Variants in DGKB observed in about 807,000 individuals in gnomAD.
DGKB encodes 90 kDa diacylglycerol kinase.
DGKB carries 67 observed loss-of-function variants against 114.3 expected under a neutral mutation model. The ratio of observed to expected loss-of-function variants is 0.59; its 90% CI spans 0.48 to 0.72. The LOEUF is 0.72. Among genes scored for constraint, DGKB ranks in the 30% least tolerant of loss-of-function variants. The pLI is 0.00. For synonymous variants in DGKB, 398 were observed against 323.1 expected, an observed-to-expected ratio of 1.23 and a Z score of -2.49; for missense variants, 907 against 975.2, an observed-to-expected ratio of 0.93 and a Z score of 0.93.
At chr7:14,290,383 T>TGA (rs943888027) in intron 23 of DGKB, among the ~76,000 whole-genome samples, 151 of 152,148 alleles carry the variant, frequency 9.9e-4, no homozygotes, top group African/African-American at 2.7e-3. Context: ...CTATAAATTA[T>TGA]GAGAGAGAGA....
chr7:14,681,447 G>A (rs953378976), intron 12 of DGKB, among the ~76,000 whole-genome samples: 1 of 151,784 alleles, frequency 6.6e-6, no homozygotes, highest in African/African-American at 2.4e-5. Flanking sequence ...GTGTGTGTAT[G>A]TGTGTGTGTG....
intron 9 of DGKB, among the ~76,000 whole-genome samples, chr7:14,692,795 T>C (rs1368025023): frequency 6.6e-6 from 1 of 151,920 alleles, no homozygotes; most frequent in Non-Finnish European, 1.5e-5. Context: ...TTGGATCCCA[T>C]GGGCCTCATG....
chr7:14,876,681 T>C (rs1179557775), intron 1 of DGKB, among the ~76,000 whole-genome samples: 1 of 152,204 alleles, frequency 6.6e-6, no homozygotes, highest in Non-Finnish European at 1.5e-5. Flanking sequence ...TTTCCTGGAC[T>C]CGTTAGCTGT....
At chr7:14,161,801 A>G (rs1562501501) in intron 25 of DGKB, among the ~76,000 whole-genome samples, 5 of 152,128 alleles carry the variant, frequency 3.3e-5, no homozygotes, top group Admixed American at 3.3e-4. Context: ...TGGATCCTGG[A>G]ACTTAAAGTA....
At chr7:14,655,967 T>C (rs889219765) in intron 13 of DGKB, among the ~76,000 whole-genome samples, 2 of 151,648 alleles carry the variant, frequency 1.3e-5, no homozygotes, top group Non-Finnish European at 3.0e-5. Flanking sequence ...TATAGCACTA[T>C]AATGTGAATA....
intron 21 of DGKB, among the ~76,000 whole-genome samples, chr7:14,404,367 C>T (rs1823607531): frequency 6.6e-6 from 1 of 151,702 alleles, no homozygotes; most frequent in Non-Finnish European, 1.5e-5. Context: ...CTGTTACATA[C>T]ACACCTTTCC....
At chr7:14,500,117 TC>T (rs898948644) in intron 20 of DGKB, among the ~76,000 whole-genome samples, 3 of 151,880 alleles carry the variant, frequency 2.0e-5, no homozygotes, top group Non-Finnish European at 4.4e-5. Context: ...TTTTATATGC[TC>T]CATAACATTT....
intron 1 of DGKB, among the ~76,000 whole-genome samples, chr7:14,854,016 T>C (rs1378168326): frequency 6.6e-6 from 1 of 152,218 alleles, no homozygotes; most frequent in Non-Finnish European, 1.5e-5. Flanking sequence ...CCTGACTCAT[T>C]AGCAGTAAGC....
At chr7:14,364,070 T>C (rs756494208) in intron 21 of DGKB, among the ~76,000 whole-genome samples, 12 of 151,988 alleles carry the variant, frequency 7.9e-5, no homozygotes, top group Non-Finnish European at 2.9e-5. Context: ...ATTGACTCAG[T>C]ACAATACAAA....
chr7:14,587,329 A>T (rs1800941749), intron 17 of DGKB, among the ~76,000 whole-genome samples: 1 of 152,092 alleles, frequency 6.6e-6, no homozygotes, highest in Non-Finnish European at 1.5e-5. Context: ...AATTGCCGCA[A>T]TCTCATCATA....
At chr7:14,388,915 T>A (rs917235170) in intron 21 of DGKB, among the ~76,000 whole-genome samples, 1 of 152,182 alleles carries the variant, frequency 6.6e-6, no homozygotes, top group Non-Finnish European at 1.5e-5. Context: ...GAATTTCAAG[T>A]GCTGTCCTTT....
At chr7:14,637,209 C>G (rs189389391) in intron 13 of DGKB, among the ~76,000 whole-genome samples, 1 of 151,882 alleles carries the variant, frequency 6.6e-6, no homozygotes, top group Non-Finnish European at 1.5e-5. Flanking sequence ...GAACTGTTAA[C>G]ATAAAAATTT....
chr7:14,340,896 G>T (rs1248252191), intron 22 of DGKB, among the ~76,000 whole-genome samples: 1 of 151,658 alleles, frequency 6.6e-6, no homozygotes, highest in Admixed American at 6.6e-5. Flanking sequence ...CTAGGCCTTA[G>T]AACCCCACTG....
chr7:14,194,358 T>C (rs1170611467), intron 23 of DGKB, among the ~76,000 whole-genome samples: 4 of 152,190 alleles, frequency 2.6e-5, no homozygotes, highest in Non-Finnish European at 4.4e-5. Flanking sequence ...TAGAATATTA[T>C]TCAGCCATAA....
At chr7:14,364,570 C>A (rs1816329157) in intron 21 of DGKB, among the ~76,000 whole-genome samples, 1 of 152,008 alleles carries the variant, frequency 6.6e-6, no homozygotes, top group Non-Finnish European at 1.5e-5. Context: ...AAATCATTTT[C>A]ATTGTAGCAC....
At chr7:14,840,698 TAACACACACACA>T (rs1847806154) in intron 2 of DGKB, among the ~76,000 whole-genome samples, 1 of 77,752 alleles carries the variant, frequency 1.3e-5, no homozygotes, top group South Asian at 6.6e-4. Flanking sequence ...TACTCTCTTT[TAACACACACACA>T]CACACACACA....
chr7:14,441,940 A>G (rs1386047356), intron 21 of DGKB, among the ~76,000 whole-genome samples: 1 of 152,004 alleles, frequency 6.6e-6, no homozygotes, highest in Non-Finnish European at 1.5e-5. Context: ...AGATATACAT[A>G]CATATCAGGA....
intron 2 of DGKB, among the ~76,000 whole-genome samples, chr7:14,794,635 A>C (rs1841145785): frequency 6.6e-6 from 1 of 152,162 alleles, no homozygotes; most frequent in African/African-American, 2.4e-5. Flanking sequence ...ATTGTCAAAA[A>C]TCCAAAGCAG....
intron 2 of DGKB, among the ~76,000 whole-genome samples, chr7:14,783,714 T>C (rs541093226): frequency 1.7e-4 from 26 of 152,314 alleles, no homozygotes; most frequent in African/African-American, 5.8e-4. Context: ...CCACAGACTG[T>C]ACATTTATAA....
Sources: allele counts gnomAD v4.1 joint callset (sites outside exome capture counted in the v4.1 genomes callset), GRCh38; gene constraint gnomAD v4.1.1; transcripts MANE v1.5; gene names NCBI Gene and HGNC (gene_info 2026-07-23, HGNC 2026-07-21).